The following ARHGAP32 variants were observed in gnomAD, a reference collection of about 807,000 sequenced individuals.
ARHGAP32 encodes rho GTPase-activating protein 32.
ARHGAP32 carries 51 observed loss-of-function variants against 186.5 expected under a neutral mutation model. That is an observed-to-expected ratio of 0.27 (90% CI 0.22 to 0.35). The LOEUF (loss-of-function observed/expected upper bound fraction) is 0.35, where lower values mean the gene tolerates loss of function less well. ARHGAP32 is among the 10% of genes least tolerant of loss of function. ARHGAP32 has a pLI of 1.00. For synonymous variants in ARHGAP32, 950 were observed against 964.3 expected (o/e 0.99, Z 0.27); for missense variants, 2,186 against 2,623.5 (o/e 0.83, Z 3.64).
intron 1 of ARHGAP32, among the ~76,000 whole-genome samples, chr11:129,242,803 T>G (rs1945036870): frequency 6.6e-6 from 1 of 152,098 alleles, no homozygotes; most frequent in Non-Finnish European, 1.5e-5. Context: ...GTAAGATTTT[T>G]TTTTTGGACA....
chr11:129,198,777 G>A (rs1944424952), intron 1 of ARHGAP32, among the ~76,000 whole-genome samples: 4 of 152,212 alleles, frequency 2.6e-5, no homozygotes, highest in Admixed American at 2.0e-4. Flanking sequence ...AAAGATACCC[G>A]AAAATGTGGA....
At chr11:129,159,348 C>T (rs1943480746) in intron 2 of ARHGAP32, among the ~76,000 whole-genome samples, 1 of 151,942 alleles carries the variant, frequency 6.6e-6, no homozygotes, top group Non-Finnish European at 1.5e-5. Context: ...AAAATAGACA[C>T]AATAAAAAAT....
chr11:129,124,923 G>A (rs745354583), intron 2 of ARHGAP32, 29 bp from the exon 3 acceptor site: 50 of 1,537,668 alleles, frequency 3.3e-5, no homozygotes, highest in Non-Finnish European at 4.0e-5. Flanking sequence ...AATATTTATG[G>A]CTATTACTTT....
chr11:129,059,918 C>T (rs1209328612), intron 10 of ARHGAP32, among the ~76,000 whole-genome samples: 3 of 152,158 alleles, frequency 2.0e-5, no homozygotes, highest in East Asian at 3.8e-4. Context: ...CATGGAGATA[C>T]GATTGCCTTT....
intron 11 of ARHGAP32, among the ~76,000 whole-genome samples, chr11:129,006,777 G>T (rs1937797544): frequency 6.6e-6 from 1 of 152,222 alleles, no homozygotes; most frequent in South Asian, 2.1e-4. Flanking sequence ...TAATCAGCAG[G>T]TGGTAAAGCC....
At chr11:129,001,877 C>T (rs1946368400) in intron 11 of ARHGAP32, among the ~76,000 whole-genome samples, 1 of 152,144 alleles carries the variant, frequency 6.6e-6, no homozygotes, top group African/African-American at 2.4e-5. Context: ...GTTATTTCCC[C>T]AATGTATGCT....
At position 128,974,875 on chromosome 11, in the gene ARHGAP32, A is replaced by G. The variant is rs772272135; in HGVS notation, c.2322T>C (p.Ser774=). The change falls in exon 21 of 23, where the codon AGT becomes AGC. Residue 774 remains serine, a synonymous_variant. Coordinates refer to ENST00000682385, the MANE Select transcript of ARHGAP32 (RefSeq NM_001378024.1). ...TATGAAGCAGCCCTCCTTCCTCCTCACTCTCATTGTCATGAGGCAGATTAT... is the reference window on the plus strand; with the variant it reads ...TATGAAGCAGCCCTCCTTCCTCCTCGCTCTCATTGTCATGAGGCAGATTAT... The part of the protein sequence containing the change: ...SYDNLPHDNE[S]EEEGGLLHIP... 1 of 1,614,056 alleles carries G rather than the reference A, an allele frequency of 6.2e-7. No homozygotes were observed.
intron 2 of ARHGAP32, among the ~76,000 whole-genome samples, chr11:129,135,570 A>G (rs947458033): frequency 3.3e-5 from 5 of 152,178 alleles, no homozygotes; most frequent in African/African-American, 1.2e-4. Context: ...GATCGAGACC[A>G]TCCTGTCTAA....
chr11:129,274,971 T>C (rs1198618373), intron 1 of ARHGAP32, among the ~76,000 whole-genome samples: 2 of 150,764 alleles, frequency 1.3e-5, no homozygotes, highest in East Asian at 3.9e-4. Context: ...ATTTATAAAC[T>C]TAAGAACATT....
intron 11 of ARHGAP32, among the ~76,000 whole-genome samples, chr11:129,033,262 G>A (rs1045379897): frequency 2.0e-5 from 3 of 152,148 alleles, no homozygotes; most frequent in Non-Finnish European, 2.9e-5. Flanking sequence ...CTTAGTCTGT[G>A]TACATGAATC....
rs370789957 is a variant in ARHGAP32 at position 129,145,712 on chromosome 11, C to T, written c.225+18607G>A. On this transcript the variant is annotated intron_variant, in intron 2 of 22. Transcript: ENST00000682385. Reference sequence around the variant, plus strand: ...ACAATTCAAACGGTTATAGGCCTTACGTTATGAAACTGCCAATTGTTAAAA... The same window carrying T: ...ACAATTCAAACGGTTATAGGCCTTATGTTATGAAACTGCCAATTGTTAAAA... Among the ~76,000 whole-genome samples the T allele has an allele frequency of 3.8e-4, 58 of 152,214 alleles. 1 individual carries two copies. The South Asian group carries it at 0.012, about 32-fold the overall frequency.
chr11:129,192,174 T>C lies in ARHGAP32; in HGVS notation c.25A>G (p.Thr9Ala). ...CAGAAGACACTGTCATCCCCTAAAGTGCTACTCTCACTTTCAGTCTCCATC... is the reference window on the plus strand; with the variant it reads ...CAGAAGACACTGTCATCCCCTAAAGCGCTACTCTCACTTTCAGTCTCCATC... The part of the protein sequence containing the change: METESESS[T>A]LGDDSVFWLE... Residue 9 changes from threonine to alanine, a missense_variant, in exon 1 of 23, where the codon ACT (threonine) becomes GCT (alanine). By Grantham distance (58) the Thr-to-Ala change is moderately conservative. Coordinates refer to ENST00000682385, the MANE Select transcript of ARHGAP32 (RefSeq NM_001378024.1). The C allele has an allele frequency of 6.2e-7, 1 of 1,613,636 alleles. No homozygotes were observed. The highest frequency in any genetic ancestry group is 8.5e-7 in the Non-Finnish European group (1 of 1,179,716).
chr11:129,220,225 T>C (rs1021610111), intron 1 of ARHGAP32, among the ~76,000 whole-genome samples: 14 of 152,172 alleles, frequency 9.2e-5, no homozygotes, highest in African/African-American at 3.1e-4. Context: ...AGTATGTTTA[T>C]TCACCATTTG....
At chr11:129,160,065 A>C (rs1372114000) in intron 2 of ARHGAP32, among the ~76,000 whole-genome samples, 1 of 152,208 alleles carries the variant, frequency 6.6e-6, no homozygotes, top group Non-Finnish European at 1.5e-5. Context: ...TTCATGCTAA[A>C]AACTCTCAAT....
exon 1 of ARHGAP32, chr11:129,279,243 GCC>G (rs1565488378): frequency 0.24 from 202 of 846 alleles, 1 homozygote; most frequent in African/African-American, 0.45. Context: ...CCCTCCGCCC[GCC>G]GCCGCCGCCG....
intron 5 of ARHGAP32, among the ~76,000 whole-genome samples, chr11:129,107,621 C>A (rs574578784): frequency 8.5e-5 from 13 of 152,294 alleles, no homozygotes; most frequent in African/African-American, 2.9e-4. Context: ...GTAATCCCAG[C>A]ACTTTGGGAG....
intron 1 of ARHGAP32, among the ~76,000 whole-genome samples, chr11:129,258,111 A>C (rs1234433310): frequency 6.6e-6 from 1 of 152,244 alleles, no homozygotes. Context: ...TCAATTCACT[A>C]ATGTTATATG....
At chr11:129,264,964 G>A (rs1945375556) in intron 1 of ARHGAP32, among the ~76,000 whole-genome samples, 1 of 152,144 alleles carries the variant, frequency 6.6e-6, no homozygotes, top group Non-Finnish European at 1.5e-5. Flanking sequence ...CAGCTTAACT[G>A]CCCATGTCTC....
intron 1 of ARHGAP32, among the ~76,000 whole-genome samples, chr11:129,251,534 G>C (rs1350046253): frequency 1.3e-5 from 2 of 152,066 alleles, no homozygotes; most frequent in African/African-American, 4.8e-5. Flanking sequence ...ACAGAAATCT[G>C]TCTAATGATC....
Sources: gnomAD v4.1 joint callset for allele counts (sites outside exome capture counted in the v4.1 genomes callset) on GRCh38, gnomAD v4.1.1 for gene constraint, MANE v1.5 for transcripts, NCBI Gene and HGNC (gene_info 2026-07-23, HGNC 2026-07-21) for gene names.